Variants in GALNT14 observed in about 807,000 individuals in gnomAD.
GALNT14 encodes polypeptide N-acetylgalactosaminyltransferase 14.
A neutral mutation model predicts 77.5 loss-of-function variants in GALNT14; 60 were observed. That is an observed-to-expected ratio of 0.77 (90% CI 0.63 to 0.96). GALNT14 has a LOEUF of 0.96. Among genes scored for constraint, GALNT14 ranks in the 40% least tolerant of loss-of-function variants. The pLI, the probability that GALNT14 is intolerant of heterozygous loss-of-function variation, is 0.00. For synonymous variants in GALNT14, 280 were observed against 281.7 expected (o/e 0.99, Z 0.06); for missense variants, 710 against 731.0 (o/e 0.97, Z 0.33).
intron 1 of GALNT14, among the ~76,000 whole-genome samples, chr2:31,119,361 C>T (rs1489761813): frequency 6.6e-6 from 1 of 151,970 alleles, no homozygotes; most frequent in African/African-American, 2.4e-5. Context: ...TTTTACTTGG[C>T]AACAAAAAGA....
At position 30,982,645 on chromosome 2, in the gene GALNT14, G is replaced by C. The variant is rs754001373; in HGVS notation, c.299+10193C>G. On this transcript the variant is annotated intron_variant, in intron 2 of 14. Coordinates refer to ENST00000349752, the MANE Select transcript of GALNT14 (RefSeq NM_024572.4). ...CTTTTGAAGACAAGGTAGCCACGGA[G>C]AATTCTGATGGGGCACGGGCATAAG... Among the ~76,000 whole-genome samples, 6 of 152,302 alleles carry C rather than the reference G, an allele frequency of 3.9e-5. No individual in the cohort carries two copies. The East Asian group carries it at 1.2e-3, about 29-fold the overall frequency.
intron 1 of GALNT14, among the ~76,000 whole-genome samples, chr2:31,048,726 A>G (rs1673648157): frequency 6.6e-6 from 1 of 151,898 alleles, no homozygotes; most frequent in African/African-American, 2.4e-5. Flanking sequence ...CCCTGCCCAC[A>G]TGATGTGCCA....
At position 30,951,102 on chromosome 2, in the gene GALNT14, C is replaced by T. The variant is rs201612104; in HGVS notation, c.654+4516G>A. ...TTGAAAACAGAGACTCAAACAAAAACTTGTACACAAATATTTATAACTGCG... is the reference window on the plus strand; with the variant it reads ...TTGAAAACAGAGACTCAAACAAAAATTTGTACACAAATATTTATAACTGCG... On this transcript the variant is annotated intron_variant, in intron 6 of 14. Transcript: ENST00000349752. Among the ~76,000 whole-genome samples, 5 of 152,292 alleles carry T rather than the reference C, an allele frequency of 3.3e-5. No homozygotes were observed. The East Asian group carries it at 9.6e-4, about 29-fold the overall frequency.
At chr2:31,135,563 C>G (rs1452336647) in intron 1 of GALNT14, among the ~76,000 whole-genome samples, 2 of 151,922 alleles carry the variant, frequency 1.3e-5, no homozygotes, top group African/African-American at 2.4e-5. Context: ...TCAAGATTTT[C>G]TAAGTCTATA....
At chr2:30,918,770 TGGCATC>T (rs2148215584) in intron 13 of GALNT14, among the ~76,000 whole-genome samples, 2 of 75,986 alleles carry the variant, frequency 2.6e-5, no homozygotes, top group East Asian at 6.8e-4. Flanking sequence ...GCAGGGAGGG[TGGCATC>T]GGGCAGGGAG....
the GALNT14 span, among the ~76,000 whole-genome samples, chr2:30,891,970 T>C: frequency 1.3e-5 from 2 of 152,204 alleles, no homozygotes; most frequent in Non-Finnish European, 2.9e-5. Flanking sequence ...AACCAATAGA[T>C]TGTTCGCTAG....
intron 9 of GALNT14, among the ~76,000 whole-genome samples, chr2:30,937,414 A>G (rs1044974685): frequency 6.6e-6 from 1 of 152,214 alleles, no homozygotes; most frequent in Non-Finnish European, 1.5e-5. Context: ...TCAAGGTGTC[A>G]ACAGGATGGC....
intron 1 of GALNT14, among the ~76,000 whole-genome samples, chr2:31,072,229 A>G (rs1236793361): frequency 6.8e-6 from 1 of 147,468 alleles, no homozygotes; most frequent in Non-Finnish European, 1.5e-5. Context: ...AACTTCCTCC[A>G]CTGTGTGTAT....
Position 30,976,935 on chromosome 2 carries a change from A to G in GALNT14, c.300-10633T>C, listed in dbSNP as rs12621132. Reference sequence around the variant, plus strand: ...CCTCTTCTCATGGTGGTGGAGAGGGAAAGTCACAATGAGTGAGTGGTGGGG... The same window carrying G: ...CCTCTTCTCATGGTGGTGGAGAGGGGAAGTCACAATGAGTGAGTGGTGGGG... On this transcript the variant is annotated intron_variant, in intron 2 of 14. Coordinates refer to ENST00000349752, the MANE Select transcript of GALNT14 (RefSeq NM_024572.4). Among the ~76,000 whole-genome samples the G allele has an allele frequency of 1.9e-4, 29 of 151,900 alleles. 1 individual carries two copies. The East Asian group carries it at 4.5e-3, about 23-fold the overall frequency.
At chr2:31,128,721 G>A (rs10166388) in intron 1 of GALNT14, among the ~76,000 whole-genome samples, 2 of 152,104 alleles carry the variant, frequency 1.3e-5, no homozygotes, top group African/African-American at 2.4e-5. Flanking sequence ...TGGGGAGGGG[G>A]AAGGGCGGAG....
chr2:31,079,626 C>T (rs1457084371), intron 1 of GALNT14, among the ~76,000 whole-genome samples: 3 of 152,162 alleles, frequency 2.0e-5, no homozygotes, highest in Non-Finnish European at 4.4e-5. Flanking sequence ...TGCCCTCCTG[C>T]TAATAAAACC....
rs111302897 is a variant in GALNT14 at position 31,007,563 on chromosome 2, T to A, written c.130-14556A>T. On this transcript the variant is annotated intron_variant, in intron 1 of 14. Transcript: ENST00000349752. ...AGTGACATTTCGAATGTCTCCCACATGAATCCAACTTCTTTACATCCACAG... is the reference window on the plus strand; with the variant it reads ...AGTGACATTTCGAATGTCTCCCACAAGAATCCAACTTCTTTACATCCACAG... Among the ~76,000 whole-genome samples, 1,072 of 152,318 alleles carry A rather than the reference T, an allele frequency of 7.0e-3. 10 individuals carry two copies. Among genetic ancestry groups the A allele is most frequent in the Middle Eastern group, 0.024 (7 of 294 alleles).
At chr2:31,106,369 T>C (rs1677562616) in intron 1 of GALNT14, among the ~76,000 whole-genome samples, 1 of 152,224 alleles carries the variant, frequency 6.6e-6, no homozygotes, top group Non-Finnish European at 1.5e-5. Context: ...GCCTGTCTTC[T>C]ATGTCAATCA....
chr2:31,067,669 A>T (rs1390493947), intron 1 of GALNT14, among the ~76,000 whole-genome samples: 1 of 152,184 alleles, frequency 6.6e-6, no homozygotes, highest in Admixed American at 6.5e-5. Flanking sequence ...AGGACTTAAG[A>T]GTTGGAGCCA....
chr2:30,945,987 C>A (rs1666672422), intron 6 of GALNT14, 117 bp from the exon 7 acceptor site: 1 of 747,636 alleles, frequency 1.3e-6, no homozygotes, highest in Non-Finnish European at 2.3e-6. Flanking sequence ...CTTCATAGAG[C>A]CCTTTCATCT....
At chr2:31,120,112 C>T (rs1280441519) in intron 1 of GALNT14, among the ~76,000 whole-genome samples, 1 of 70,122 alleles carries the variant, frequency 1.4e-5, no homozygotes, top group Non-Finnish European at 3.9e-5. Context: ...GCCGAGATCG[C>T]GCCACTGCAC....
intron 1 of GALNT14, among the ~76,000 whole-genome samples, chr2:31,098,086 T>G (rs2148608958): frequency 6.6e-6 from 1 of 152,232 alleles, no homozygotes; most frequent in Non-Finnish European, 1.5e-5. Context: ...ATTCTACGTC[T>G]CTATTAAAAA....
At position 31,138,105 on chromosome 2, in the gene GALNT14, C is replaced by A. The variant is rs1165400536; in HGVS notation, c.-19G>T. The stretch of plus-strand genomic sequence containing the variant: ...GCCGCATGGTCCCCTTTGCCGCTTC[C>A]TCTCCGCGGCGCTACGTCCCGGGGG... On this transcript the variant is annotated 5_prime_UTR_variant, in exon 1 of 15. In the 5' UTR this introduces an upstream ATG that the reference lacks. Coordinates refer to ENST00000349752, the MANE Select transcript of GALNT14 (RefSeq NM_024572.4). The A allele has an allele frequency of 6.2e-7, 1 of 1,613,344 alleles. No homozygotes were observed. Among genetic ancestry groups the A allele is most frequent in the Non-Finnish European group, 8.5e-7 (1 of 1,179,720 alleles).
At chr2:30,994,386 G>A (rs771135216) in intron 1 of GALNT14, among the ~76,000 whole-genome samples, 1 of 152,198 alleles carries the variant, frequency 6.6e-6, no homozygotes, top group Non-Finnish European at 1.5e-5. Context: ...GGCCCACGTG[G>A]CAGGTTAAGA....
Sources: gnomAD v4.1 joint callset for allele counts (sites outside exome capture counted in the v4.1 genomes callset) on GRCh38, gnomAD v4.1.1 for gene constraint, MANE v1.5 for transcripts, NCBI Gene and HGNC (gene_info 2026-07-23, HGNC 2026-07-21) for gene names.